Variants in FOCAD observed in about 807,000 individuals in gnomAD.
FOCAD encodes the protein focadhesin.
Under a neutral mutation model 225.6 loss-of-function variants are expected in FOCAD, and 198 were observed. The observed-to-expected ratio is 0.88, with a 90% CI of 0.78 to 0.99. FOCAD has a LOEUF of 0.99. FOCAD is among the 50% of genes least tolerant of loss of function. The pLI, the probability that FOCAD is intolerant of heterozygous loss-of-function variation, is 0.00. For synonymous variants in FOCAD, 897 were observed against 755.0 expected, an observed-to-expected ratio of 1.19 and a Z score of -3.08; for missense variants, 2,713 against 2,123.6, an observed-to-expected ratio of 1.28 and a Z score of -5.46.
intron 34 of FOCAD, 40 bp downstream of exon 34, chr9:20,951,138 G>A (rs751064710): frequency 2.0e-6 from 3 of 1,508,542 alleles, no homozygotes; most frequent in Non-Finnish European, 2.8e-6. Flanking sequence ...TGGAAGGGAG[G>A]GATTGCCGAC....
chr9:20,789,716 T>G (rs1349874639), intron 11 of FOCAD, 108 bp downstream of exon 11: 4 of 1,392,738 alleles, frequency 2.9e-6, no homozygotes, highest in Non-Finnish European at 3.9e-6. Flanking sequence ...AAATTATGGG[T>G]TGATGATTTT....
At chr9:20,932,235 A>G (rs1297400619) in intron 27 of FOCAD, among the ~76,000 whole-genome samples, 1 of 152,054 alleles carries the variant, frequency 6.6e-6, no homozygotes, top group African/African-American at 2.4e-5. Context: ...CTTGGGCAAA[A>G]CTGCTATAGT....
chr9:20,750,702 G>A (rs1216391361), intron 5 of FOCAD, among the ~76,000 whole-genome samples: 2 of 152,062 alleles, frequency 1.3e-5, no homozygotes, highest in Admixed American at 6.6e-5. Flanking sequence ...AAATTTCTGT[G>A]GGCTCTTCCT....
rs576692616 is a variant in FOCAD at position 20,801,601 on chromosome 9, A to G, written c.1455+11993A>G. Among the ~76,000 whole-genome samples the G allele has an allele frequency of 4.6e-5, 7 of 152,312 alleles. No individual in the cohort carries two copies. The East Asian group carries it at 1.2e-3, about 25-fold the overall frequency. ...CATAATAGGGGCCATTTTTTATTTT[A>G]TACTTGACATCTATATGATCTTCCT... is the stretch of plus-strand genomic sequence containing the variant. On this transcript the variant is annotated intron_variant, in intron 11 of 43. Coordinates refer to ENST00000338382, the MANE Select transcript of FOCAD (RefSeq NM_001375567.1).
rs75744346 is a variant in FOCAD at position 20,903,802 on chromosome 9, A to C, written c.2626-3348A>C. On this transcript the variant is annotated intron_variant, in intron 21 of 43. Transcript: ENST00000338382. ...TGCAATTCACTGGCATTTAGTACATATACAATGTTGTACAACTATCACCTC... is the reference window on the plus strand; with the variant it reads ...TGCAATTCACTGGCATTTAGTACATCTACAATGTTGTACAACTATCACCTC... Among the ~76,000 whole-genome samples the C allele has an allele frequency of 3.9e-5, 6 of 152,130 alleles. No homozygotes were observed. The East Asian group carries it at 1.2e-3, about 30-fold the overall frequency.
At chr9:20,973,196 T>G (rs538121415) in intron 35 of FOCAD, among the ~76,000 whole-genome samples, 6 of 152,106 alleles carry the variant, frequency 3.9e-5, no homozygotes, top group Admixed American at 1.3e-4. Flanking sequence ...CTGCTGACTT[T>G]GCCTTATTCT....
At chr9:20,961,639 G>C (rs1838740375) in intron 35 of FOCAD, among the ~76,000 whole-genome samples, 1 of 152,062 alleles carries the variant, frequency 6.6e-6, no homozygotes, top group Non-Finnish European at 1.5e-5. Context: ...TAATAAAAAG[G>C]GTTCAATCTG....
rs916427897 is a variant in FOCAD at position 20,810,271 on chromosome 9, A to G, written c.1456-9525A>G. Among the ~76,000 whole-genome samples, 5 of 152,134 alleles carry G rather than the reference A, an allele frequency of 3.3e-5. No individual in the cohort carries two copies. In the East Asian group the frequency reaches 9.6e-4, roughly 29 times the overall value. On this transcript the variant is annotated intron_variant, in intron 11 of 43. Coordinates refer to ENST00000338382, the MANE Select transcript of FOCAD (RefSeq NM_001375567.1). ...TATTAAACCCCAAAATATTGAATCT[A>G]TCTAGCTTAGTTACATAGTTGCTTA...
intron 4 of FOCAD, among the ~76,000 whole-genome samples, chr9:20,738,095 A>G (rs1400242358): frequency 6.6e-6 from 1 of 152,230 alleles, no homozygotes; most frequent in Admixed American, 6.5e-5. Flanking sequence ...GAAGAATTGC[A>G]AAGAAGGAGT....
At chr9:20,990,516 G>T in intron 42 of FOCAD, 142 bp downstream of exon 42, 1 of 1,067,316 alleles carries the variant, frequency 9.4e-7, no homozygotes, top group Non-Finnish European at 1.3e-6. Flanking sequence ...TCAGCCAGAT[G>T]CAGAGTCTCA....
chr9:20,899,594 C>T (rs899239870), intron 21 of FOCAD, among the ~76,000 whole-genome samples: 2 of 151,900 alleles, frequency 1.3e-5, no homozygotes, highest in African/African-American at 4.8e-5. Context: ...CTTCCAAGCT[C>T]CTTACAGGCT....
Position 20,981,618 on chromosome 9 carries a change from C to T in FOCAD, c.4570C>T (p.His1524Tyr). Reference sequence around the variant, plus strand: ...GGCCATGAAACTGCCCAGCCCTGCCCACCACCTCTGGAGTCTGCTCTCTGA... The same window carrying T: ...GGCCATGAAACTGCCCAGCCCTGCCTACCACCTCTGGAGTCTGCTCTCTGA... Reference protein sequence around the residue: ...SQAMKLPSPAHHLWSLLSEAT... With the variant: ...SQAMKLPSPAYHLWSLLSEAT... Residue 1524 changes from histidine to tyrosine, a missense_variant, in exon 38 of 44, where the codon CAC becomes TAC. Transcript: ENST00000338382. 1 of 1,614,074 alleles carries T rather than the reference C, an allele frequency of 6.2e-7. No homozygotes were observed. The highest frequency in any genetic ancestry group is 8.5e-7 in the Non-Finnish European group (1 of 1,179,982).
intron 27 of FOCAD, among the ~76,000 whole-genome samples, chr9:20,931,876 C>G (rs1835504218): frequency 6.8e-6 from 1 of 146,566 alleles, no homozygotes; most frequent in Admixed American, 6.9e-5. Context: ...CCAGCCCAGC[C>G]TGGGTGAGAA....
At chr9:20,958,891 A>T (rs552200279) in intron 35 of FOCAD, among the ~76,000 whole-genome samples, 2 of 152,278 alleles carry the variant, frequency 1.3e-5, no homozygotes, top group African/African-American at 4.8e-5. Flanking sequence ...AGGGCTTAAT[A>T]GTATTCCATT....
chr9:20,870,481 C>T (rs149512507), intron 18 of FOCAD, among the ~76,000 whole-genome samples: 3 of 152,174 alleles, frequency 2.0e-5, no homozygotes, highest in Non-Finnish European at 4.4e-5. Flanking sequence ...TCCCCAACTA[C>T]GATGGTTGGA....
chr9:20,955,968 T>C (rs1838100238), intron 35 of FOCAD, among the ~76,000 whole-genome samples: 1 of 152,232 alleles, frequency 6.6e-6, no homozygotes, highest in African/African-American at 2.4e-5. Context: ...TGGCTAACAC[T>C]TTCTAAGCTT....
intron 28 of FOCAD, among the ~76,000 whole-genome samples, chr9:20,942,543 A>G (rs895246041): frequency 6.6e-6 from 1 of 152,206 alleles, no homozygotes; most frequent in Non-Finnish European, 1.5e-5. Context: ...GAATTTTACT[A>G]CTTATAAAAT....
At chr9:20,678,740 C>G (rs1822310845) in intron 2 of FOCAD, among the ~76,000 whole-genome samples, 1 of 152,214 alleles carries the variant, frequency 6.6e-6, no homozygotes, top group Admixed American at 6.5e-5. Context: ...CCAAATGCCC[C>G]AAACACAGCT....
chr9:20,940,106 C>T (rs929763671), intron 28 of FOCAD, among the ~76,000 whole-genome samples: 6 of 152,060 alleles, frequency 3.9e-5, no homozygotes, highest in African/African-American at 1.4e-4. Flanking sequence ...ACGGGTAGGC[C>T]TGGACTTCCT....
Sources: allele counts gnomAD v4.1 joint callset (sites outside exome capture counted in the v4.1 genomes callset), GRCh38; gene constraint gnomAD v4.1.1; transcripts MANE v1.5; gene names NCBI Gene and HGNC (gene_info 2026-07-23, HGNC 2026-07-21).